CACNA1C: variants seen among roughly 807,000 people sequenced by gnomAD.
CACNA1C encodes the protein calcium voltage-gated channel subunit alpha1 C.
In CACNA1C, 30 loss-of-function variants were observed where a neutral mutation model predicts 229.0. The ratio of observed to expected loss-of-function variants is 0.13; its 90% CI spans 0.10 to 0.18. CACNA1C has a LOEUF of 0.18. CACNA1C is among the 10% of genes least tolerant of loss of function. The pLI is 1.00. For synonymous variants in CACNA1C, 1,114 were observed against 1,132.5 expected (o/e 0.98, Z 0.33); for missense variants, 1,658 against 2,845.0 (o/e 0.58, Z 9.49).
At chr12:2,194,635 T>C (rs1353159420) in intron 3 of CACNA1C, among the ~76,000 whole-genome samples, 3 of 152,194 alleles carry the variant, frequency 2.0e-5, no homozygotes, top group Non-Finnish European at 4.4e-5. Flanking sequence ...CCCTCTCCAC[T>C]GTGAGCCTGG....
At chr12:2,086,772 C>T (rs1191552275) in intron 1 of CACNA1C, among the ~76,000 whole-genome samples, 1 of 152,116 alleles carries the variant, frequency 6.6e-6, no homozygotes, top group African/African-American at 2.4e-5. Context: ...AGGGATGGTG[C>T]GTGGGAGCTT....
chr12:2,048,007 G>A (rs768695229), upstream of CACNA1C, among the ~76,000 whole-genome samples: 7 of 152,210 alleles, frequency 4.6e-5, no homozygotes, highest in African/African-American at 7.2e-5. Flanking sequence ...AGCTGGACAC[G>A]TACTTTGCCC....
chr12:2,435,888 A>G (rs114317178), intron 3 of CACNA1C, among the ~76,000 whole-genome samples: 2,100 of 152,300 alleles, frequency 0.014, 49 homozygotes, highest in African/African-American at 0.048. Flanking sequence ...CGTGCCATGT[A>G]CCAACATCCC....
At chr12:2,301,413 G>A (rs893950094) in intron 3 of CACNA1C, among the ~76,000 whole-genome samples, 10 of 152,160 alleles carry the variant, frequency 6.6e-5, no homozygotes, top group African/African-American at 2.4e-4. Context: ...CAGAGGCAGG[G>A]CAGAATTTCG....
At chr12:2,049,541 C>T (rs2051725374), upstream of CACNA1C, 2 of 152,190 alleles carry the variant, frequency 1.3e-5, no homozygotes, top group Admixed American at 1.3e-4. Context: ...GAATCATGCA[C>T]TCAACACAAA....
chr12:2,420,366 G>A (rs558384084), intron 3 of CACNA1C, among the ~76,000 whole-genome samples: 36 of 152,238 alleles, frequency 2.4e-4, no homozygotes, highest in African/African-American at 7.9e-4. Context: ...TGAGGCTGTG[G>A]GAGGGATGGT....
At chr12:2,235,630 G>A (rs1041102947) in intron 3 of CACNA1C, among the ~76,000 whole-genome samples, 4 of 152,176 alleles carry the variant, frequency 2.6e-5, no homozygotes, top group African/African-American at 9.7e-5. Flanking sequence ...GTTTACCCAG[G>A]GATGGGATGG....
chr12:2,416,018 C>T (rs1367346309), intron 3 of CACNA1C, among the ~76,000 whole-genome samples: 1 of 152,100 alleles, frequency 6.6e-6, no homozygotes, highest in Non-Finnish European at 1.5e-5. Context: ...TCAGGCTTTG[C>T]TGAGGTGAGG....
chr12:2,485,964 T>G, intron 5 of CACNA1C, 140 bp from the exon 6 acceptor site: 1 of 610,504 alleles, frequency 1.6e-6, no homozygotes, highest in East Asian at 3.1e-5. Context: ...CCTTGGCGTG[T>G]GGCTCTGAGC....
chr12:2,113,535 A>G (rs1302224561), intron 1 of CACNA1C, among the ~76,000 whole-genome samples: 1 of 152,128 alleles, frequency 6.6e-6, no homozygotes, highest in Admixed American at 6.5e-5. Flanking sequence ...GTGCACATGG[A>G]CCAGAAAAGG....
chr12:2,407,227 C>T (rs1261381203), intron 3 of CACNA1C, among the ~76,000 whole-genome samples: 1 of 152,276 alleles, frequency 6.6e-6, no homozygotes, highest in African/African-American at 2.4e-5. Flanking sequence ...CTCATTACTG[C>T]CTAGTTGGGG....
chr12:2,221,677 A>C (rs2061499436), intron 3 of CACNA1C: 1 of 152,238 alleles, frequency 6.6e-6, no homozygotes, highest in Non-Finnish European at 1.5e-5. Flanking sequence ...TTGGTTCAGC[A>C]AGTCCATAGG....
intron 3 of CACNA1C, among the ~76,000 whole-genome samples, chr12:2,245,538 C>T (rs1355562405): frequency 6.6e-6 from 1 of 152,206 alleles, no homozygotes. Context: ...GGCTCCTTTC[C>T]TTGTTCCTCC....
At chr12:2,213,534 T>A (rs1316973314) in intron 3 of CACNA1C, among the ~76,000 whole-genome samples, 2 of 152,212 alleles carry the variant, frequency 1.3e-5, no homozygotes, top group Non-Finnish European at 2.9e-5. Context: ...CTTTGCTAAT[T>A]CTCACTCTTC....
chr12:2,147,159 A>C (rs2094794335), intron 3 of CACNA1C, among the ~76,000 whole-genome samples: 1 of 151,348 alleles, frequency 6.6e-6, no homozygotes, highest in Non-Finnish European at 1.5e-5. Flanking sequence ...CGAATCACTG[A>C]GAGAGGGGGG....
intron 15 of CACNA1C, among the ~76,000 whole-genome samples, chr12:2,584,144 C>T (rs2061565592): frequency 6.6e-6 from 1 of 152,232 alleles, no homozygotes; most frequent in African/African-American, 2.4e-5. Flanking sequence ...GAGCGTTCTG[C>T]ATCCTGCTAG....
At chr12:2,284,563 T>C (rs910782750) in intron 3 of CACNA1C, among the ~76,000 whole-genome samples, 1 of 152,204 alleles carries the variant, frequency 6.6e-6, no homozygotes, top group Non-Finnish European at 1.5e-5. Context: ...CACTGTTCTG[T>C]CTGCCTCCCA....
rs560655133 is a variant in CACNA1C, at chr12:2,017,637, TTCAG to T, written c.139+46440_139+46443del. ...CTAAACATGGTGATGTAAGCATGGT[TTCAG>T]TCAATGTATCTTTTTTCTGTTTTTT... is the stretch of plus-strand genomic sequence containing the variant. On this transcript the variant is annotated intron_variant, in intron 1 of 46. Coordinates refer to the CACNA1C transcript ENST00000682462. Among the ~76,000 whole-genome samples the T allele has an allele frequency of 3.1e-3, 464 of 150,736 alleles. 2 individuals are homozygous for T. The highest frequency in any genetic ancestry group is 5.5e-3 in the Non-Finnish European group (373 of 67,808).
chr12:2,280,182 T>C (rs1341441686), intron 3 of CACNA1C, among the ~76,000 whole-genome samples: 1 of 133,586 alleles, frequency 7.5e-6, no homozygotes, highest in Non-Finnish European at 1.6e-5. Context: ...CTTGATACTT[T>C]GCTGTGCTTC....
Sources: gnomAD v4.1 joint callset for allele counts (sites outside exome capture counted in the v4.1 genomes callset) on GRCh38, gnomAD v4.1.1 for gene constraint, MANE v1.5 for transcripts, NCBI Gene and HGNC (gene_info 2026-07-23, HGNC 2026-07-21) for gene names.